Variants in COG5 observed in about 807,000 individuals in gnomAD.
The protein encoded by COG5 is component of oligomeric golgi complex 5.
A neutral mutation model predicts 110.4 loss-of-function variants in COG5; 86 were observed. That is an observed-to-expected ratio of 0.78 (90% confidence interval 0.65 to 0.93). COG5 has a LOEUF of 0.93. Among genes scored for constraint, COG5 ranks in the 40% least tolerant of loss-of-function variants. The probability of loss-of-function intolerance (pLI) is 0.00; values close to 1 mark genes in which losing one functional copy is unlikely to be tolerated. For synonymous variants in COG5, 360 were observed against 334.6 expected, an observed-to-expected ratio of 1.08 and a Z score of -0.83; for missense variants, 1,077 against 987.0, an observed-to-expected ratio of 1.09 and a Z score of -1.22.
chr7:107,219,559 C>T (rs770843251), intron 19 of COG5, among the ~76,000 whole-genome samples: 6 of 152,084 alleles, frequency 3.9e-5, no homozygotes, highest in South Asian at 4.1e-4. Context: ...GAGGACATTA[C>T]GTTAAGCTAA....
At chr7:107,413,995 T>C (rs186664842) in intron 6 of COG5, among the ~76,000 whole-genome samples, 24 of 152,274 alleles carry the variant, frequency 1.6e-4, no homozygotes, top group Admixed American at 1.2e-3. Flanking sequence ...GTCTTTTCAG[T>C]AGATAATCCC....
chr7:107,408,603 T>A (rs1792040249), intron 7 of COG5, among the ~76,000 whole-genome samples: 1 of 152,242 alleles, frequency 6.6e-6, no homozygotes, highest in Non-Finnish European at 1.5e-5. Flanking sequence ...TGGCAGAGGC[T>A]GTACTTTTCC....
intron 6 of COG5, among the ~76,000 whole-genome samples, chr7:107,457,559 G>A (rs1795742175): frequency 6.6e-6 from 1 of 151,998 alleles, no homozygotes. Flanking sequence ...CTCCCAAGTA[G>A]CTGGGACTAC....
chr7:107,550,775 G>A lies in COG5; in HGVS notation c.293-2443C>T, dbSNP rs1195616829. Among the ~76,000 whole-genome samples the A allele has an allele frequency of 2.0e-5, 3 of 151,880 alleles. No individual in the cohort carries two copies. In the South Asian group the frequency reaches 6.2e-4, roughly 32 times the overall value. ...GGCTGGGGTGCACTGGCATGATCTC[G>A]GCTCACCGCAACCTCTGCCTCCCAG... On this transcript the variant is annotated intron_variant, in intron 3 of 21. Coordinates refer to ENST00000297135, the MANE Select transcript of COG5 (RefSeq NM_006348.5).
chr7:107,505,679 G>A (rs773967342), intron 6 of COG5, among the ~76,000 whole-genome samples: 11 of 152,190 alleles, frequency 7.2e-5, no homozygotes, highest in Admixed American at 3.9e-4. Flanking sequence ...AGCCCAGCAT[G>A]GCAACTGTAT....
intron 6 of COG5, among the ~76,000 whole-genome samples, chr7:107,453,483 T>C (rs539088918): frequency 2.6e-5 from 4 of 152,286 alleles, no homozygotes; most frequent in African/African-American, 9.6e-5. Flanking sequence ...TATACTCTTG[T>C]CTCAGCAAAT....
intron 21 of COG5, among the ~76,000 whole-genome samples, chr7:107,207,114 T>C (rs947272721): frequency 6.6e-6 from 1 of 152,208 alleles, no homozygotes; most frequent in Non-Finnish European, 1.5e-5. Context: ...CATTTAAATA[T>C]TCAATGTGAT....
In COG5 at chr7:107,237,448, A is replaced by C. The variant is rs1026772440; in HGVS notation, c.1854-761T>G. On this transcript the variant is annotated intron_variant, in intron 17 of 21. Coordinates refer to ENST00000297135, the MANE Select transcript of COG5 (RefSeq NM_006348.5). ...TCTAATAAATGAGATCACTGGCTAC[A>C]TCATGCTGAATCTTTTTCAAAAAGC... Among the ~76,000 whole-genome samples the C allele has an allele frequency of 3.3e-5, 5 of 152,380 alleles. No individual in the cohort carries two copies. In the South Asian group the frequency reaches 8.3e-4, roughly 25 times the overall value.
intron 7 of COG5, among the ~76,000 whole-genome samples, chr7:107,377,462 TCTC>T (rs1814735238): frequency 6.6e-6 from 1 of 152,196 alleles, no homozygotes; most frequent in Non-Finnish European, 1.5e-5. Context: ...TTTTTTCCCT[TCTC>T]CTCATCAGTC....
At chr7:107,395,282 G>A (rs752687274) in intron 7 of COG5, among the ~76,000 whole-genome samples, 5 of 152,042 alleles carry the variant, frequency 3.3e-5, no homozygotes, top group Non-Finnish European at 5.9e-5. Flanking sequence ...GAGAAAGAGA[G>A]GGAGAATGAA....
At chr7:107,563,766 C>G (rs1382506686) in intron 1 of COG5, 37 bp downstream of exon 1, 1 of 1,611,670 alleles carries the variant, frequency 6.2e-7, no homozygotes, top group Non-Finnish European at 8.5e-7. Context: ...AGCGCAGACC[C>G]CCAACCCCAC....
intron 6 of COG5, among the ~76,000 whole-genome samples, chr7:107,476,255 C>T (rs1481070350): frequency 7.0e-6 from 1 of 142,478 alleles, no homozygotes; most frequent in Non-Finnish European, 1.5e-5. Flanking sequence ...TTCAACTCAG[C>T]TCTTTTGTAT....
At chr7:107,332,950 T>A (rs1396465042) in intron 10 of COG5, among the ~76,000 whole-genome samples, 1 of 152,154 alleles carries the variant, frequency 6.6e-6, no homozygotes, top group East Asian at 1.9e-4. Context: ...GCAGACACCT[T>A]TGAGGCAAAA....
At chr7:107,353,151 C>T (rs1218352373) in intron 10 of COG5, among the ~76,000 whole-genome samples, 3 of 152,050 alleles carry the variant, frequency 2.0e-5, no homozygotes, top group Non-Finnish European at 4.4e-5. Flanking sequence ...AGTGGCTGGG[C>T]GCGGTGGTTC....
At chr7:107,401,116 A>G (rs1439899596) in intron 7 of COG5, among the ~76,000 whole-genome samples, 1 of 152,128 alleles carries the variant, frequency 6.6e-6, no homozygotes, top group Non-Finnish European at 1.5e-5. Flanking sequence ...AAATATAAAA[A>G]TAATTCTTAG....
intron 12 of COG5, among the ~76,000 whole-genome samples, chr7:107,287,394 C>G (rs954756595): frequency 1.3e-5 from 2 of 152,136 alleles, no homozygotes; most frequent in Non-Finnish European, 2.9e-5. Flanking sequence ...TGTGACAGCT[C>G]TCCCTTCATA....
Position 107,202,025 on chromosome 7 carries a change from C to T in COG5, c.*1491G>A, listed in dbSNP as rs1391250134. 1 of 152,674 alleles carries T rather than the reference C, an allele frequency of 6.5e-6. No individual in the cohort carries two copies. The highest frequency in any genetic ancestry group is 1.9e-4 in the East Asian group (1 of 5,200). 9.5% of individuals were successfully genotyped at this position (152,674 alleles called of 1,614,324 possible). On this transcript the variant is annotated 3_prime_UTR_variant, in exon 22 of 22. Coordinates refer to ENST00000297135, the MANE Select transcript of COG5 (RefSeq NM_006348.5). ...GCCTAAGAGCCACCTGCTGCAGTTA[C>T]CATGGCATGCTGAGTTGATGCACCA...
chr7:107,389,743 T>G (rs1004975164), intron 7 of COG5, among the ~76,000 whole-genome samples: 1 of 152,138 alleles, frequency 6.6e-6, no homozygotes, highest in Non-Finnish European at 1.5e-5. Flanking sequence ...CATTCCCCTA[T>G]GATTTGGGCC....
At chr7:107,223,149 T>C (rs1249062443) in intron 19 of COG5, among the ~76,000 whole-genome samples, 2 of 152,080 alleles carry the variant, frequency 1.3e-5, no homozygotes, top group African/African-American at 4.8e-5. Context: ...GACCACTAAG[T>C]ATGCGTACTG....
Sources: allele counts gnomAD v4.1 joint callset (sites outside exome capture counted in the v4.1 genomes callset), GRCh38; gene constraint gnomAD v4.1.1; transcripts MANE v1.5; gene names NCBI Gene and HGNC (gene_info 2026-07-23, HGNC 2026-07-21).